The following RAP1GAP variants were observed in gnomAD, a reference collection of about 807,000 sequenced individuals.
RAP1GAP encodes RAP1 GTPase activating protein, also known as rap1 GTPase-activating protein 1.
RAP1GAP carries 35 observed loss-of-function variants against 87.2 expected under a neutral mutation model. The ratio of observed to expected loss-of-function variants is 0.40; its 90% CI spans 0.31 to 0.53. The LOEUF is 0.53. Among genes scored for constraint, RAP1GAP ranks in the 20% least tolerant of loss-of-function variants. The pLI is 0.48. For missense variants in RAP1GAP, 734 were observed against 898.9 expected (o/e 0.82, Z 2.35); for synonymous variants, 375 against 363.9 (o/e 1.03, Z -0.35).
chr1:21,612,739 C>T lies in RAP1GAP; in HGVS notation c.528+437G>A, dbSNP rs539449114. Reference sequence around the variant, plus strand: ...AGGCAGAAGCCCGTGCCCCTATCCCCACACTGTCACAGTGCCTAGAGCCCA... The same window carrying T: ...AGGCAGAAGCCCGTGCCCCTATCCCTACACTGTCACAGTGCCTAGAGCCCA... On this transcript the variant is annotated intron_variant, in intron 10 of 24. Coordinates refer to ENST00000374765, the MANE Select transcript of RAP1GAP (RefSeq NM_002885.4). Among the ~76,000 whole-genome samples, 327 of 152,342 alleles carry T rather than the reference C, an allele frequency of 2.1e-3. 1 individual carries two copies. Among genetic ancestry groups the T allele is most frequent in the Non-Finnish European group, 4.1e-3 (278 of 68,036 alleles).
chr1:21,597,404 G>C, intron 24 of RAP1GAP, 140 bp from the exon 25 acceptor site: 1 of 352,166 alleles, frequency 2.8e-6, no homozygotes, highest in Non-Finnish European at 5.2e-6. Context: ...CCAGGCTCCA[G>C]GTCTTTCCAT....
At chr1:21,631,067 G>A (rs1027742187) in intron 2 of RAP1GAP, among the ~76,000 whole-genome samples, 4 of 151,864 alleles carry the variant, frequency 2.6e-5, no homozygotes, top group African/African-American at 4.8e-5. Context: ...TCACGAACCC[G>A]AACCTCTCTG....
chr1:21,653,783 C>T (rs2096747514), intron 1 of RAP1GAP, among the ~76,000 whole-genome samples: 2 of 152,076 alleles, frequency 1.3e-5, no homozygotes, highest in South Asian at 4.1e-4. Flanking sequence ...GGGCTGGGGC[C>T]TGGACTCCAG....
In RAP1GAP at chr1:21,615,848, C is replaced by T. The variant is rs1033959984; in HGVS notation, c.291+1458G>A. 2.0e-5 allele frequency among the ~76,000 whole-genome samples: 3 copies of T among 152,178 alleles called. No individual in the cohort carries two copies. The highest frequency in any genetic ancestry group is 4.4e-5 in the Non-Finnish European group (3 of 68,024). ...TTTGGCATATACAGTACCCTCAGAT[C>T]CTACCACCTGCCAGACCCAGCTGGG... On this transcript the variant is annotated intron_variant, in intron 7 of 24. Transcript: ENST00000374765. This position sits in a 1 kb window ranked among gnomAD's most constrained non-coding sequence, Gnocchi z 4.5.
In RAP1GAP at chr1:21,603,951, C is replaced by G. The variant is rs2148865115; in HGVS notation, c.1429-1038G>C. 2.9e-6 allele frequency: 4 copies of G among 1,390,698 alleles called. No homozygotes were observed. Among genetic ancestry groups the G allele is most frequent in the Non-Finnish European group, 3.9e-6 (4 of 1,021,438 alleles). The allele number at this position is 1,390,698 out of a possible 1,614,324, so 86.1% of individuals were successfully genotyped here. ...GAGGGCGGGGGCAGAGAGAGAGAGACAGAGAGAGAGTCAGAGAGCAAGAGA... is the reference window on the plus strand; with the variant it reads ...GAGGGCGGGGGCAGAGAGAGAGAGAGAGAGAGAGAGTCAGAGAGCAAGAGA... On this transcript the variant is annotated intron_variant, in intron 18 of 24. Transcript: ENST00000374765. The surrounding 1 kb of genome is among the most constrained non-coding windows in gnomAD (Gnocchi z 6.0).
At chr1:21,659,359 G>C (rs1382567953) in intron 1 of RAP1GAP, among the ~76,000 whole-genome samples, 2 of 152,164 alleles carry the variant, frequency 1.3e-5, no homozygotes, top group Admixed American at 1.3e-4. Flanking sequence ...GAAGGGTGGG[G>C]ACCCGGAGCC....
At chr1:21,656,730 G>A (rs1314231423) in intron 1 of RAP1GAP, among the ~76,000 whole-genome samples, 1 of 152,186 alleles carries the variant, frequency 6.6e-6, no homozygotes, top group Non-Finnish European at 1.5e-5. Flanking sequence ...TATTCAATGG[G>A]TTTCTGAAAC....
chr1:21,613,779 G>A lies in RAP1GAP; in HGVS notation c.396-73C>T. On this transcript the variant is annotated intron_variant, in intron 8 of 24. Transcript: ENST00000374765. This position sits in a 1 kb window ranked among gnomAD's most constrained non-coding sequence, Gnocchi z 4.7. The stretch of plus-strand genomic sequence containing the variant: ...AAATGGGAACCCCACCCCCCACAAA[G>A]TAAGGCCAGAAGGGGGTGGACCACA... 6.9e-7 allele frequency: 1 copy of A among 1,441,602 alleles called. No individual in the cohort carries two copies. The highest frequency in any genetic ancestry group is 9.7e-7 in the Non-Finnish European group (1 of 1,027,142). 89.3% of individuals were successfully genotyped at this position (1,441,602 alleles called of 1,614,324 possible). A position where few individuals can be genotyped will look rare whatever the true frequency, so the allele number is the denominator to read the frequency against.
chr1:21,661,528 G>A (rs145590819), intron 1 of RAP1GAP, among the ~76,000 whole-genome samples: 1 of 152,304 alleles, frequency 6.6e-6, no homozygotes, highest in African/African-American at 2.4e-5. Context: ...ATGGACCTGT[G>A]CTTAAATTCC....
At chr1:21,623,218 A>G (rs1365802951) in intron 3 of RAP1GAP, among the ~76,000 whole-genome samples, 1 of 152,156 alleles carries the variant, frequency 6.6e-6, no homozygotes, top group Non-Finnish European at 1.5e-5. Context: ...AAAGGACCCA[A>G]GTAGATTTTG....
chr1:21,626,577 T>C (rs1178530331), intron 2 of RAP1GAP, among the ~76,000 whole-genome samples, 180 bp from the exon 3 acceptor site: 2 of 152,148 alleles, frequency 1.3e-5, no homozygotes, highest in Non-Finnish European at 1.5e-5. Flanking sequence ...CCACACAGGC[T>C]TCTCCTTCCC....
At chr1:21,601,933 G>T (rs2068916625) in intron 19 of RAP1GAP, 136 bp from the exon 20 acceptor site, 2 of 582,376 alleles carry the variant, frequency 3.4e-6, no homozygotes, top group Non-Finnish European at 5.9e-6. Context: ...GCCAGCCCTG[G>T]AGCAGTCTTG....
At chr1:21,626,126 C>T (rs2091928716) in intron 3 of RAP1GAP, among the ~76,000 whole-genome samples, 178 bp downstream of exon 3, 1 of 152,198 alleles carries the variant, frequency 6.6e-6, no homozygotes, top group African/African-American at 2.4e-5. Flanking sequence ...ACGTTTGTGA[C>T]TGCACCAGCC....
intron 18 of RAP1GAP, among the ~76,000 whole-genome samples, chr1:21,604,112 CAG>C (rs1055484924): frequency 6.6e-6 from 1 of 151,890 alleles, no homozygotes; most frequent in African/African-American, 2.4e-5. Context: ...CAAGGAGAGA[CAG>C]AGGACAAGGG....
intron 1 of RAP1GAP, among the ~76,000 whole-genome samples, chr1:21,652,494 C>T (rs888998961): frequency 2.0e-5 from 3 of 152,126 alleles, no homozygotes; most frequent in Non-Finnish European, 2.9e-5. Flanking sequence ...CTCCAATAGC[C>T]CCTCCTTGCC....
intron 17 of RAP1GAP, among the ~76,000 whole-genome samples, chr1:21,607,722 C>G (rs1402587471): frequency 6.6e-6 from 1 of 152,130 alleles, no homozygotes; most frequent in African/African-American, 2.4e-5. Flanking sequence ...TACTCCTCCC[C>G]AAGCCAGGGC....
At chr1:21,597,797 GCA>G in intron 23 of RAP1GAP, 69 bp from the exon 24 acceptor site, 1 of 1,579,416 alleles carries the variant, frequency 6.3e-7, no homozygotes, top group South Asian at 1.1e-5. Context: ...AGACACAGGT[GCA>G]CAAAGTCACT....
At chr1:21,639,803 G>A (rs933470354) in intron 2 of RAP1GAP, among the ~76,000 whole-genome samples, 1 of 152,162 alleles carries the variant, frequency 6.6e-6, no homozygotes, top group African/African-American at 2.4e-5. Flanking sequence ...CCTGGGAGTC[G>A]GCACCGGGTG....
intron 1 of RAP1GAP, among the ~76,000 whole-genome samples, chr1:21,666,044 G>T (rs993366334): frequency 8.5e-5 from 13 of 152,246 alleles, no homozygotes; most frequent in African/African-American, 3.1e-4. Flanking sequence ...CCAGCAAGAG[G>T]CAGGGCCAGG....
Sources: allele counts gnomAD v4.1 joint callset (sites outside exome capture counted in the v4.1 genomes callset), GRCh38; gene constraint gnomAD v4.1.1; non-coding constraint Gnocchi (gnomAD v3.1); transcripts MANE v1.5; gene names NCBI Gene and HGNC (gene_info 2026-07-23, HGNC 2026-07-21).